BARX2: variants seen among roughly 807,000 people sequenced by gnomAD.
BARX2 encodes homeobox protein BarH-like 2.
A neutral mutation model predicts 25.5 loss-of-function variants in BARX2; 11 were observed. The observed-to-expected ratio is 0.43, with a 90% confidence interval of 0.27 to 0.71. BARX2 has a LOEUF of 0.71. Ranked by LOEUF, BARX2 falls within the 30% of genes least tolerant of loss-of-function variation. BARX2 has a pLI of 0.19. For synonymous variants in BARX2, 137 were observed against 149.5 expected, an observed-to-expected ratio of 0.92 and a Z score of 0.61; for missense variants, 360 against 359.9, an observed-to-expected ratio of 1.00 and a Z score of 0.00.
In BARX2 at chr11:129,375,956, C is replaced by T; in HGVS notation, c.-80C>T. 4 of 873,930 alleles carry T rather than the reference C, an allele frequency of 4.6e-6. No homozygotes were observed. Among genetic ancestry groups the T allele is most frequent in the South Asian group, 5.2e-5 (1 of 19,206 alleles). The allele number at this position is 873,930 out of a possible 1,614,324, so 54.1% of individuals were successfully genotyped here. On this transcript the variant is annotated 5_prime_UTR_variant, in exon 1 of 4. Transcript: ENST00000281437. The surrounding 1 kb of genome is among the most constrained non-coding windows in gnomAD (Gnocchi z 4.0). ...GCCGGGAGCGGGGCCCAGGCCCCGC[C>T]GTCGCGCCAGCCCCGCGGCCCCAGC...
intron 1 of BARX2, among the ~76,000 whole-genome samples, chr11:129,386,234 A>G (rs1459232155): frequency 6.6e-6 from 1 of 152,178 alleles, no homozygotes; most frequent in Non-Finnish European, 1.5e-5. Context: ...CTTCTTACTG[A>G]TGTTTAAAAT....
chr11:129,400,484 G>T (rs1033628530), intron 1 of BARX2, among the ~76,000 whole-genome samples: 9 of 152,180 alleles, frequency 5.9e-5, no homozygotes, highest in African/African-American at 1.7e-4. Flanking sequence ...GAGAAGAGGG[G>T]AAAATGTGAC....
intron 1 of BARX2, among the ~76,000 whole-genome samples, chr11:129,414,155 G>A (rs1228595437): frequency 6.6e-6 from 1 of 152,072 alleles, no homozygotes; most frequent in Non-Finnish European, 1.5e-5. Flanking sequence ...CCGTGAGGAA[G>A]GGAGGTTTTG....
intron 1 of BARX2, among the ~76,000 whole-genome samples, chr11:129,392,837 T>C (rs892217803): frequency 2.0e-5 from 3 of 152,102 alleles, no homozygotes; most frequent in Non-Finnish European, 4.4e-5. Flanking sequence ...TCTTGAACTC[T>C]TGGCCTCAAG....
rs1165011193 is a variant in BARX2 at position 129,390,812 on chromosome 11, A to G, written c.187+14590A>G. 6.6e-6 allele frequency among the ~76,000 whole-genome samples: 1 copy of G among 152,214 alleles called. No homozygotes were observed. Among genetic ancestry groups the G allele is most frequent in the Non-Finnish European group, 1.5e-5 (1 of 68,042 alleles). ...CAATCATCATATGTATTAATGGTGC[A>G]TTCAAAAATTTCATCATCCTGGGTC... On this transcript the variant is annotated intron_variant, in intron 1 of 3. Transcript: ENST00000281437. This position sits in a 1 kb window ranked among gnomAD's most constrained non-coding sequence, Gnocchi z 4.3.
intron 1 of BARX2, among the ~76,000 whole-genome samples, chr11:129,417,988 C>T (rs1861963178): frequency 6.6e-6 from 1 of 152,180 alleles, no homozygotes; most frequent in Admixed American, 6.5e-5. Context: ...TAAAATTCGA[C>T]ACTGCAGCTT....
intron 3 of BARX2, among the ~76,000 whole-genome samples, chr11:129,448,575 G>C (rs1053829133): frequency 6.6e-6 from 1 of 152,228 alleles, no homozygotes; most frequent in African/African-American, 2.4e-5. Context: ...ACCACAATGA[G>C]ATACCACTTC....
intron 1 of BARX2, among the ~76,000 whole-genome samples, chr11:129,435,622 A>G (rs905712035): frequency 2.6e-5 from 4 of 152,160 alleles, no homozygotes; most frequent in Admixed American, 6.5e-5. Context: ...TCAGATATCA[A>G]ATGGGGAGGA....
chr11:129,432,846 A>G (rs60123155), intron 1 of BARX2, among the ~76,000 whole-genome samples: 18,386 of 152,236 alleles, frequency 0.12, 1,155 homozygotes, highest in East Asian at 0.17. Flanking sequence ...TGGGGATGCC[A>G]AGGGACATGG....
intron 2 of BARX2, among the ~76,000 whole-genome samples, chr11:129,440,214 G>A (rs1434450714): frequency 6.6e-6 from 1 of 152,244 alleles, no homozygotes; most frequent in Non-Finnish European, 1.5e-5. Context: ...TGTAACGGTG[G>A]CAGGTAATGA....
intron 1 of BARX2, among the ~76,000 whole-genome samples, chr11:129,423,542 C>T (rs1358633155): frequency 6.6e-6 from 1 of 152,198 alleles, no homozygotes; most frequent in South Asian, 2.1e-4. Context: ...AGTGCCCTGA[C>T]ATTGTGCACA....
intron 3 of BARX2, among the ~76,000 whole-genome samples, chr11:129,449,995 T>C (rs1862377303): frequency 6.6e-6 from 1 of 152,162 alleles, no homozygotes; most frequent in Admixed American, 6.5e-5. Flanking sequence ...AAACCTACCA[T>C]TCAGGTGCCG....
chr11:129,438,880 A>G (rs1565521981), intron 2 of BARX2, among the ~76,000 whole-genome samples: 1 of 152,188 alleles, frequency 6.6e-6, no homozygotes. Context: ...AGGAGGTAAC[A>G]TTTAAGAAGA....
At chr11:129,450,550 A>G (rs1862384998) in intron 3 of BARX2, among the ~76,000 whole-genome samples, 1 of 152,232 alleles carries the variant, frequency 6.6e-6, no homozygotes, top group Non-Finnish European at 1.5e-5. Context: ...ACCCAATTAC[A>G]TGGCTAAACT....
chr11:129,383,933 G>A (rs1003913664), intron 1 of BARX2, among the ~76,000 whole-genome samples: 1 of 152,148 alleles, frequency 6.6e-6, no homozygotes, highest in South Asian at 2.1e-4. Flanking sequence ...GAGTGTAATG[G>A]TGCAATCTCG....
chr11:129,428,380 G>A (rs1278812335), intron 1 of BARX2, among the ~76,000 whole-genome samples: 1 of 152,192 alleles, frequency 6.6e-6, no homozygotes, highest in Non-Finnish European at 1.5e-5. Context: ...AGTAACCAAA[G>A]TGTCTCCTAA....
At chr11:129,447,901 G>A (rs1862350417) in intron 3 of BARX2, among the ~76,000 whole-genome samples, 1 of 152,100 alleles carries the variant, frequency 6.6e-6, no homozygotes, top group East Asian at 1.9e-4. Context: ...GCACAATTGG[G>A]TGCTTTCAAA....
chr11:129,447,196 G>T (rs1247194220), intron 3 of BARX2, among the ~76,000 whole-genome samples: 1 of 152,194 alleles, frequency 6.6e-6, no homozygotes, highest in African/African-American at 2.4e-5. Flanking sequence ...GAAGGAGAGA[G>T]TTCCTTCCTG....
intron 1 of BARX2, among the ~76,000 whole-genome samples, chr11:129,394,457 T>C (rs1239240247): frequency 2.0e-5 from 3 of 152,234 alleles, no homozygotes; most frequent in Non-Finnish European, 2.9e-5. Context: ...CAAACAGATG[T>C]AGTTTTTATT....
Sources: allele counts gnomAD v4.1 joint callset (sites outside exome capture counted in the v4.1 genomes callset), GRCh38; gene constraint gnomAD v4.1.1; non-coding constraint Gnocchi (gnomAD v3.1); transcripts MANE v1.5; gene names NCBI Gene and HGNC (gene_info 2026-07-23, HGNC 2026-07-21).